The following FANCI variants were observed in gnomAD, a reference collection of about 807,000 sequenced individuals.
FANCI encodes Fanconi anemia group I protein.
FANCI carries 156 observed loss-of-function variants against 176.1 expected under a neutral mutation model. The observed-to-expected ratio is 0.89, with a 90% CI of 0.78 to 1.01. The LOEUF (loss-of-function observed/expected upper bound fraction) is 1.01, where lower values mean the gene tolerates loss of function less well. FANCI is among the 50% of genes least tolerant of loss of function. FANCI has a pLI of 0.00. For synonymous variants in FANCI, 613 were observed against 541.7 expected (o/e 1.13, Z -1.83); for missense variants, 1,678 against 1,534.1 (o/e 1.09, Z -1.57).
rs1214809481 is a variant in FANCI at position 89,294,506 on chromosome 15, A to C, written c.2457-409A>C. On this transcript the variant is annotated intron_variant, in intron 23 of 37. Transcript: ENST00000310775. ...AGGCCGAGGCAGGAGACTCACTTGAACCCAGGAGGCAGAGGTTGCAGTGAG... is the reference window on the plus strand; with the variant it reads ...AGGCCGAGGCAGGAGACTCACTTGACCCCAGGAGGCAGAGGTTGCAGTGAG... 3.3e-5 allele frequency among the ~76,000 whole-genome samples: 5 copies of C among 152,072 alleles called. No homozygotes were observed. In the East Asian group the frequency reaches 9.6e-4, roughly 29 times the overall value.
At chr15:89,315,590 T>C (rs915305590) in intron 37 of FANCI, among the ~76,000 whole-genome samples, 1 of 152,230 alleles carries the variant, frequency 6.6e-6, no homozygotes, top group Non-Finnish European at 1.5e-5. Context: ...CCCGACTTGT[T>C]TGATAAACAC....
chr15:89,247,138 A>G (rs1312584700), intron 1 of FANCI, among the ~76,000 whole-genome samples: 3 of 150,216 alleles, frequency 2.0e-5, no homozygotes. Context: ...TGGCATGATC[A>G]TAGCTCACTG....
chr15:89,272,252 G>T (rs2053228248), intron 10 of FANCI, among the ~76,000 whole-genome samples: 1 of 152,048 alleles, frequency 6.6e-6, no homozygotes, highest in African/African-American at 2.4e-5. Context: ...ACCTTCTTTG[G>T]TGAAATGTCT....
Position 89,264,624 on chromosome 15 carries a change from A to G in FANCI, c.755+17A>G. Reference sequence around the variant, plus strand: ...TGGTGACGAGTGAGTAATATAGTGTAGAAATAAAGATCATTTTTACAAATT... The same window carrying G: ...TGGTGACGAGTGAGTAATATAGTGTGGAAATAAAGATCATTTTTACAAATT... On this transcript the variant is annotated intron_variant, in intron 9 of 37. Coordinates refer to ENST00000310775, the MANE Select transcript of FANCI (RefSeq NM_001113378.2). The G allele has an allele frequency of 6.3e-7, 1 of 1,596,552 alleles. No individual in the cohort carries two copies. Among genetic ancestry groups the G allele is most frequent in the Non-Finnish European group, 8.6e-7 (1 of 1,164,838 alleles).
At chr15:89,313,510 A>G (rs937366060) in intron 35 of FANCI, among the ~76,000 whole-genome samples, 1 of 152,204 alleles carries the variant, frequency 6.6e-6, no homozygotes, top group African/African-American at 2.4e-5. Flanking sequence ...ATTTTTAGGT[A>G]AAGTTGGTGA....
At chr15:89,273,493 G>A (rs755931346) in intron 11 of FANCI, 24 bp downstream of exon 11, 1 of 539,196 alleles carries the variant, frequency 1.9e-6, no homozygotes, top group Non-Finnish European at 3.0e-6. Context: ...ATGCCATTTT[G>A]TTTCTTTCTG....
intron 2 of FANCI, among the ~76,000 whole-genome samples, chr15:89,253,796 G>A (rs1267068754): frequency 2.2e-5 from 3 of 133,736 alleles, no homozygotes; most frequent in South Asian, 2.7e-4. Flanking sequence ...TGGGGGGGGG[G>A]GGGAAGATAA....
chr15:89,276,711 C>A lies in FANCI; in HGVS notation c.1113C>A (p.Ser371Arg). Residue 371 changes from serine to arginine, a missense_variant and splice_region_variant, in exon 13 of 38, where the codon AGC (serine) becomes AGA (arginine). Ser to Arg is a moderately radical substitution (Grantham distance 110). Coordinates refer to ENST00000310775, the MANE Select transcript of FANCI (RefSeq NM_001113378.2). ...TTAACTAAGCTTTGTGTTCTTGTAG[C>A]GTTCATAGCTGGGACCATGTTACTC... ...STMILEVVKNSVHSWDHVTQG... is the reference protein window; with the variant it reads ...STMILEVVKNRVHSWDHVTQG... 1 of 1,614,076 alleles carries A rather than the reference C, an allele frequency of 6.2e-7. No individual in the cohort carries two copies. Among genetic ancestry groups the A allele is most frequent in the Non-Finnish European group, 8.5e-7 (1 of 1,179,988 alleles).
intron 12 of FANCI, among the ~76,000 whole-genome samples, chr15:89,275,297 G>A (rs80306988): frequency 3.9e-5 from 6 of 152,038 alleles, no homozygotes; most frequent in Middle Eastern, 3.4e-3. Context: ...AATTTGGAGC[G>A]TACAGTTGGA....
chr15:89,315,216 T>G, intron 36 of FANCI, 66 bp from the exon 37 acceptor site: 3 of 1,192,776 alleles, frequency 2.5e-6, no homozygotes, highest in Non-Finnish European at 3.8e-6. Flanking sequence ...GAACTAAAAA[T>G]GGCTTAAGCT....
intron 10 of FANCI, among the ~76,000 whole-genome samples, chr15:89,270,409 C>T (rs1192207997): frequency 6.6e-6 from 1 of 152,140 alleles, no homozygotes; most frequent in African/African-American, 2.4e-5. Context: ...TATTCAAAAT[C>T]CTTTTCCCAA....
chr15:89,257,593 C>A (rs946602370), intron 2 of FANCI, among the ~76,000 whole-genome samples: 1 of 151,344 alleles, frequency 6.6e-6, no homozygotes, highest in Admixed American at 6.6e-5. Context: ...CAGAGTTCCC[C>A]TTTTTATAAG....
chr15:89,275,927 C>T (rs538015645), intron 12 of FANCI, among the ~76,000 whole-genome samples: 1 of 152,338 alleles, frequency 6.6e-6, no homozygotes, highest in South Asian at 2.1e-4. Flanking sequence ...TTGCCCCAGT[C>T]AGTTAATGAA....
At chr15:89,294,567 A>G (rs2054182029) in intron 23 of FANCI, among the ~76,000 whole-genome samples, 1 of 152,164 alleles carries the variant, frequency 6.6e-6, no homozygotes, top group African/African-American at 2.4e-5. Flanking sequence ...CCTGGGCAAC[A>G]AGAACAAAAT....
chr15:89,268,011 G>A (rs778042568), intron 9 of FANCI, among the ~76,000 whole-genome samples: 4 of 152,202 alleles, frequency 2.6e-5, no homozygotes, highest in African/African-American at 4.8e-5. Context: ...CCTGCCTTCA[G>A]TGATTGTATG....
At chr15:89,254,572 G>A (rs941580677) in intron 2 of FANCI, among the ~76,000 whole-genome samples, 24 of 152,098 alleles carry the variant, frequency 1.6e-4, no homozygotes, top group African/African-American at 5.8e-4. Context: ...GGGAGTTCGA[G>A]GACGGAGGAT....
At position 89,273,409 on chromosome 15, in the gene FANCI, A is replaced by C. The variant is rs2053278023; in HGVS notation, c.915A>C (p.Leu305Phe). The change falls in exon 11 of 38, where the codon TTA (leucine) becomes TTC (phenylalanine). Residue 305 changes from leucine to phenylalanine, a missense_variant. By Grantham distance (22) the Leu-to-Phe change is conservative. Around this residue, in one of 3 missense-constraint regions of FANCI, gnomAD observed 469 missense variants for 436.9 expected, o/e 1.07. Transcript: ENST00000310775. ...AGCAAGGAGATTCCAATAATAACTT[A>C]AGTCCCTTCAGCATTGCTCTTCTTC... The part of the protein sequence containing the change: ...VGQQGDSNNN[L>F]SPFSIALLLS... The C allele has an allele frequency of 1.9e-6, 3 of 1,608,602 alleles. No homozygotes were observed.
chr15:89,291,327 C>T (rs2151705127), intron 19 of FANCI, among the ~76,000 whole-genome samples: 1 of 152,212 alleles, frequency 6.6e-6, no homozygotes, highest in South Asian at 2.1e-4. Context: ...ACTCTGGATC[C>T]TGTATTTTTA....
At position 89,274,186 on chromosome 15, in the gene FANCI, A is replaced by C. The variant is rs2053317531; in HGVS notation, c.994A>C (p.Thr332Pro). The change falls in exon 12 of 38, where the codon ACT (threonine) becomes CCT (proline). Residue 332 changes from threonine to proline, a missense_variant. Physicochemically the swap from Thr to Pro is conservative, Grantham distance 38. Transcript: ENST00000310775. ...FQDQVLDLLK[T>P]SVVKSFKDLQ... ...ACTCAAGGTGCTTGATCTTTTAAAG[A>C]CTTCGGTTGTAAAGAGCTTTAAGGA... 6.3e-7 allele frequency: 1 copy of C among 1,577,396 alleles called. No individual in the cohort carries two copies. Among genetic ancestry groups the C allele is most frequent in the Admixed American group, 1.8e-5 (1 of 54,840 alleles).
Sources: allele counts gnomAD v4.1 joint callset (sites outside exome capture counted in the v4.1 genomes callset), GRCh38; gene constraint gnomAD v4.1.1; regional missense constraint gnomAD v4.1.1; transcripts MANE v1.5; gene names NCBI Gene and HGNC (gene_info 2026-07-23, HGNC 2026-07-21).